The following ZNF862 variants were observed in gnomAD, a reference collection of about 807,000 sequenced individuals.
ZNF862 encodes the protein zinc finger protein 862.
ZNF862 carries 64 observed loss-of-function variants against 91.1 expected under a neutral mutation model. The ratio of observed to expected loss-of-function variants is 0.70; its 90% CI spans 0.57 to 0.87. The LOEUF (loss-of-function observed/expected upper bound fraction) is 0.87. Ranked by LOEUF, ZNF862 falls within the 40% of genes least tolerant of loss-of-function variation. ZNF862 has a pLI of 0.00. For missense variants in ZNF862, 1,459 were observed against 1,528.0 expected, an observed-to-expected ratio of 0.95 and a Z score of 0.75; for synonymous variants, 631 against 618.1, an observed-to-expected ratio of 1.02 and a Z score of -0.31.
In ZNF862 at chr7:149,857,199, T is replaced by A. The variant is rs865809165; in HGVS notation, c.1118-2223T>A. On this transcript the variant is annotated intron_variant, in intron 5 of 7. Coordinates refer to ENST00000223210, the MANE Select transcript of ZNF862 (RefSeq NM_001099220.3). ...TCTTTCCCTGTTTGGGAAAATTTTCTTGTATGATTTCTTCCTATTTTCTCT... is the reference window on the plus strand; with the variant it reads ...TCTTTCCCTGTTTGGGAAAATTTTCATGTATGATTTCTTCCTATTTTCTCT... Among the ~76,000 whole-genome samples, 3 of 152,204 alleles carry A rather than the reference T, an allele frequency of 2.0e-5. No homozygotes were observed. The South Asian group carries it at 6.2e-4, about 31-fold the overall frequency.
chr7:149,859,378 G>T lies in ZNF862; in HGVS notation c.1118-44G>T. 2.7e-6 allele frequency: 4 copies of T among 1,495,874 alleles called. No homozygotes were observed. The Middle Eastern group carries it at 6.8e-4, about 254-fold the overall frequency. 92.7% of individuals were successfully genotyped at this position (1,495,874 alleles called of 1,614,324 possible). ...CTAGCTTGAGGGGGCTACTCGATTT[G>T]GCCACAGCAGTGACATCAGCATGAT... On this transcript the variant is annotated intron_variant, in intron 5 of 7. Coordinates refer to ENST00000223210, the MANE Select transcript of ZNF862 (RefSeq NM_001099220.3).
chr7:149,861,990 C>G lies in ZNF862; in HGVS notation c.2830C>G (p.Leu944Val), dbSNP rs748300674. Residue 944 changes from leucine to valine, a missense_variant, in exon 7 of 8, where the codon CTG becomes GTG. By Grantham distance (32) the Leu-to-Val change is conservative. Coordinates refer to ENST00000223210, the MANE Select transcript of ZNF862 (RefSeq NM_001099220.3). The surrounding 1 kb of genome is among the most constrained non-coding windows in gnomAD (Gnocchi z 6.7). ...GTTTGACGCAGACCGACCCCCACAGCTGAAGAACATGGAGGTGTTTGACAC... is the reference window on the plus strand; with the variant it reads ...GTTTGACGCAGACCGACCCCCACAGGTGAAGAACATGGAGGTGTTTGACAC... The part of the protein sequence containing the change: ...QRFDADRPPQ[L>V]KNMEVFDTMA... 6.2e-7 allele frequency: 1 copy of G among 1,613,876 alleles called. No homozygotes were observed. The highest frequency in any genetic ancestry group is 1.1e-5 in the South Asian group (1 of 91,080).
At position 149,861,943 on chromosome 7, in the gene ZNF862, G is replaced by A. The variant is rs765786917; in HGVS notation, c.2783G>A (p.Gly928Glu). The change falls in exon 7 of 8, where the codon GGG becomes GAG. Residue 928 changes from glycine (G) to glutamate (E), a missense_variant. Physicochemically the swap from Gly to Glu is moderately conservative, Grantham distance 98. Coordinates refer to ENST00000223210, the MANE Select transcript of ZNF862 (RefSeq NM_001099220.3). The surrounding 1 kb of genome is among the most constrained non-coding windows in gnomAD (Gnocchi z 6.7). The part of the protein sequence containing the change: ...QADRERTVLT[G>E]IEYLQQRFDA... Reference sequence around the variant, plus strand: ...GATAGGGAGAGGACAGTCCTGACGGGGATTGAGTACCTCCAGCAGAGGTTT... The same window carrying A: ...GATAGGGAGAGGACAGTCCTGACGGAGATTGAGTACCTCCAGCAGAGGTTT... 5 of 1,613,746 alleles carry A rather than the reference G, an allele frequency of 3.1e-6. No individual in the cohort carries two copies. Among genetic ancestry groups the A allele is most frequent in the East Asian group, 2.2e-5 (1 of 44,832 alleles).
At position 149,860,800 on chromosome 7, in the gene ZNF862, T is replaced by C; in HGVS notation, c.1640T>C (p.Ile547Thr). The C allele has an allele frequency of 6.2e-7, 1 of 1,613,816 alleles. No individual in the cohort carries two copies. The highest frequency in any genetic ancestry group is 8.5e-7 in the Non-Finnish European group (1 of 1,179,872). Residue 547 changes from isoleucine (I) to threonine (T), a missense_variant, in exon 7 of 8, where the codon ATC becomes ACC. Transcript: ENST00000223210. ...CCTCACACTGCCCTCGTTCCAGAGA[T>C]CTCCAGCGACCTCATGGCCAACATG... Reference protein sequence around the residue: ...DTPHTALVPEISSDLMANMEH... With the variant: ...DTPHTALVPETSSDLMANMEH...
intron 3 of ZNF862, among the ~76,000 whole-genome samples, chr7:149,847,181 G>C (rs1461059611): frequency 6.6e-6 from 1 of 152,182 alleles, no homozygotes; most frequent in African/African-American, 2.4e-5. Context: ...TTATAAGAGA[G>C]GAATTAGACT....
rs761659817 is a variant in ZNF862, at chr7:149,854,729, C to T, written c.1117+4391C>T. Among the ~76,000 whole-genome samples the T allele has an allele frequency of 2.6e-5, 4 of 152,326 alleles. No homozygotes were observed. In the South Asian group the frequency reaches 6.2e-4, roughly 24 times the overall value. On this transcript the variant is annotated intron_variant, in intron 5 of 7. Transcript: ENST00000223210. ...TTGCGGTTCTCCTGCTGCCTGCCAG[C>T]GGGGAGCACTTTCAGCCCAGGAGCT...
intron 5 of ZNF862, among the ~76,000 whole-genome samples, chr7:149,857,295 G>C (rs1267542009): frequency 2.0e-5 from 3 of 151,858 alleles, no homozygotes; most frequent in Admixed American, 1.3e-4. Flanking sequence ...CTGGTTTTCT[G>C]TTTGTGTCTT....
In ZNF862 at chr7:149,855,270, T is replaced by TG. The variant is rs1487678078; in HGVS notation, c.1118-4152_1118-4151insG. On this transcript the variant is annotated intron_variant, in intron 5 of 7. Transcript: ENST00000223210. The surrounding 1 kb of genome is among the most constrained non-coding windows in gnomAD (Gnocchi z 4.1). ...TCAATCTTTTCTGTAAATTTGAAAT[T>TG]ATATCAGAGATTTACCAAAAGGAAA... Among the ~76,000 whole-genome samples, 7 of 152,190 alleles carry TG rather than the reference T, an allele frequency of 4.6e-5. No homozygotes were observed. In the East Asian group the frequency reaches 9.6e-4, roughly 21 times the overall value.
chr7:149,867,474 A>T lies in ZNF862; in HGVS notation c.*3190A>T, dbSNP rs1005538257. The T allele has an allele frequency of 1.3e-5, 2 of 152,230 alleles. No homozygotes were observed. Among genetic ancestry groups the T allele is most frequent in the Non-Finnish European group, 2.9e-5 (2 of 68,044 alleles). 9.4% of individuals were successfully genotyped at this position (152,230 alleles called of 1,614,324 possible). Reference sequence around the variant, plus strand: ...ACCTGAATAAAGCAGAGTCTATTTCAACACATCTCTGTCTTGTGTGTCCCT... The same window carrying T: ...ACCTGAATAAAGCAGAGTCTATTTCTACACATCTCTGTCTTGTGTGTCCCT... On this transcript the variant is annotated 3_prime_UTR_variant, in exon 8 of 8. Transcript: ENST00000223210.
chr7:149,862,893 G>C (rs1331790040), intron 7 of ZNF862, among the ~76,000 whole-genome samples: 1 of 152,208 alleles, frequency 6.6e-6, no homozygotes, highest in Non-Finnish European at 1.5e-5. Flanking sequence ...CTAGTTAAAG[G>C]TCAAGACCAC....
Position 149,860,525 on chromosome 7 carries a change from A to G in ZNF862, c.1365A>G (p.Arg455=), listed in dbSNP as rs757265605. ...GTGAGGAAGGAGATGGACCTAGGAG[A>G]ATCAAGAGGACATACAGGCCCCGTT... is the stretch of plus-strand genomic sequence containing the variant. ...SICEEGDGPR[R]IKRTYRPRSI... The change falls in exon 7 of 8, where the codon AGA becomes AGG. Residue 455 remains arginine (R), a synonymous_variant. Transcript: ENST00000223210. 1 of 1,613,924 alleles carries G rather than the reference A, an allele frequency of 6.2e-7. No homozygotes were observed. The highest frequency in any genetic ancestry group is 8.5e-7 in the Non-Finnish European group (1 of 1,179,876).
In ZNF862 at chr7:149,861,620, G is replaced by T. The variant is rs918383473; in HGVS notation, c.2460G>T (p.Gln820His). ...HLQRVAEAGG[Q>H]IGHRAKGMLK... ...AGAGGGTGGCAGAGGCTGGGGGCCA[G>T]ATTGGGCACCGGGCCAAAGGGATGC... is the stretch of plus-strand genomic sequence containing the variant. Residue 820 changes from glutamine (Q) to histidine (H), a missense_variant, in exon 7 of 8, where the codon CAG becomes CAT. Coordinates refer to ENST00000223210, the MANE Select transcript of ZNF862 (RefSeq NM_001099220.3). This position sits in a 1 kb window ranked among gnomAD's most constrained non-coding sequence, Gnocchi z 6.7. The T allele has an allele frequency of 3.7e-6, 6 of 1,603,218 alleles. No individual in the cohort carries two copies. Among genetic ancestry groups the T allele is most frequent in the Non-Finnish European group, 5.1e-6 (6 of 1,176,860 alleles).
intron 5 of ZNF862, chr7:149,852,531 G>C (rs1802102375): frequency 6.6e-6 from 1 of 152,178 alleles, no homozygotes; most frequent in African/African-American, 2.4e-5. Context: ...ACAACACCTG[G>C]CTAATGTTTA....
intron 7 of ZNF862, among the ~76,000 whole-genome samples, chr7:149,862,928 C>A (rs1276003104): frequency 6.6e-6 from 1 of 152,208 alleles, no homozygotes; most frequent in Non-Finnish European, 1.5e-5. Flanking sequence ...AGAGGGCTGA[C>A]CAGCCCCAGG....
At chr7:149,847,116 C>T (rs192339376) in intron 3 of ZNF862, among the ~76,000 whole-genome samples, 7 of 152,298 alleles carry the variant, frequency 4.6e-5, no homozygotes, top group Admixed American at 1.3e-4. Flanking sequence ...TCTAGTTCAG[C>T]TTGAAGAAGA....
intron 1 of ZNF862, among the ~76,000 whole-genome samples, chr7:149,840,241 A>G (rs1392086858): frequency 6.6e-6 from 1 of 150,710 alleles, no homozygotes; most frequent in African/African-American, 2.4e-5. Context: ...AAAACCTCAT[A>G]GAATTAGAAT....
intron 7 of ZNF862, 56 bp downstream of exon 7, chr7:149,862,550 A>AT: frequency 2.7e-6 from 4 of 1,504,426 alleles, no homozygotes; most frequent in Non-Finnish European, 3.5e-6. Context: ...CCAGAGGCCA[A>AT]TAAGACAGGA....
rs1468133114 is a variant in ZNF862, at chr7:149,844,625, G to A, written c.25G>A (p.Ala9Thr). 6.3e-7 allele frequency: 1 copy of A among 1,590,954 alleles called. No homozygotes were observed. The highest frequency in any genetic ancestry group is 1.1e-5 in the South Asian group (1 of 87,364). Residue 9 changes from alanine (A) to threonine (T), a missense_variant and splice_region_variant, in exon 2 of 8, where the codon GCT becomes ACT. Coordinates refer to ENST00000223210, the MANE Select transcript of ZNF862 (RefSeq NM_001099220.3). MEPRESGK[A>T]PVTFDDITVY... is the part of the protein sequence containing the mutation. ...TTAGCAGCTGTCATTTTCCTTTCAG[G>A]CTCCTGTGACGTTTGATGACATCAC...
intron 6 of ZNF862, chr7:149,859,799 C>T (rs1316353082): frequency 7.5e-6 from 3 of 400,990 alleles, no homozygotes; most frequent in Non-Finnish European, 1.3e-5. Flanking sequence ...TACGTGGGGA[C>T]ACTGGTCTCG....
Sources: gnomAD v4.1 joint callset for allele counts (sites outside exome capture counted in the v4.1 genomes callset) on GRCh38, gnomAD v4.1.1 for gene constraint, Gnocchi (gnomAD v3.1) non-coding constraint, MANE v1.5 for transcripts, NCBI Gene and HGNC (gene_info 2026-07-23, HGNC 2026-07-21) for gene names.